The following LRRC4C variants were observed in gnomAD, a reference collection of about 807,000 sequenced individuals.
LRRC4C encodes leucine rich repeat containing 4C.
In LRRC4C, 5 loss-of-function variants were observed where a neutral mutation model predicts 33.6. The ratio of observed to expected loss-of-function variants is 0.15; its 90% CI spans 0.08 to 0.31. The LOEUF is 0.31. Ranked by LOEUF, LRRC4C falls within the 10% of genes least tolerant of loss-of-function variation. The probability of loss-of-function intolerance (pLI) is 1.00; values close to 1 mark genes in which losing one functional copy is unlikely to be tolerated. For missense variants in LRRC4C, 560 were observed against 796.7 expected, an observed-to-expected ratio of 0.70 and a Z score of 3.58; for synonymous variants, 329 against 302.0, an observed-to-expected ratio of 1.09 and a Z score of -0.93.
intron 1 of LRRC4C, among the ~76,000 whole-genome samples, chr11:41,426,094 C>T (rs751943530): frequency 9.9e-5 from 15 of 152,138 alleles, no homozygotes; most frequent in Non-Finnish European, 1.6e-4. Context: ...GTGTACAGAA[C>T]AAGGGACAAG....
intron 1 of LRRC4C, among the ~76,000 whole-genome samples, chr11:41,169,016 A>G (rs1944853463): frequency 6.6e-6 from 1 of 152,202 alleles, no homozygotes; most frequent in African/African-American, 2.4e-5. Context: ...TTTGCAAACA[A>G]GAAGATGAAC....
intron 3 of LRRC4C, among the ~76,000 whole-genome samples, chr11:40,468,350 A>C (rs1325825038): frequency 2.0e-5 from 3 of 152,192 alleles, no homozygotes; most frequent in African/African-American, 7.2e-5. Flanking sequence ...CTGGAGACAG[A>C]ATTTCTTCCT....
intron 1 of LRRC4C, among the ~76,000 whole-genome samples, chr11:41,208,146 C>T (rs1946674865): frequency 6.6e-6 from 1 of 152,082 alleles, no homozygotes; most frequent in East Asian, 1.9e-4. Context: ...AGACACAAAT[C>T]AGGAACATGC....
At chr11:40,804,747 T>A (rs2135321577) in intron 2 of LRRC4C, among the ~76,000 whole-genome samples, 1 of 152,310 alleles carries the variant, frequency 6.6e-6, no homozygotes, top group South Asian at 2.1e-4. Flanking sequence ...CTGGGGATAT[T>A]CCAGATGACT....
chr11:41,005,816 C>G (rs916795043), intron 1 of LRRC4C, among the ~76,000 whole-genome samples: 1 of 152,074 alleles, frequency 6.6e-6, no homozygotes, highest in African/African-American at 2.4e-5. Flanking sequence ...AATAAATTGC[C>G]CAGTCTCAAG....
chr11:40,995,673 C>T (rs924877709), intron 1 of LRRC4C, among the ~76,000 whole-genome samples: 5 of 152,040 alleles, frequency 3.3e-5, no homozygotes, highest in Admixed American at 2.6e-4. Flanking sequence ...TAGGGAGTAT[C>T]ATATGTTGCT....
At chr11:40,821,971 G>A (rs1238359930) in intron 2 of LRRC4C, among the ~76,000 whole-genome samples, 1 of 151,716 alleles carries the variant, frequency 6.6e-6, no homozygotes. Context: ...GGGTTATAAG[G>A]ATATCTATCC....
chr11:41,174,779 G>GT (rs112502164), intron 1 of LRRC4C, among the ~76,000 whole-genome samples: 12 of 151,136 alleles, frequency 7.9e-5, no homozygotes, highest in East Asian at 7.8e-4. Flanking sequence ...GCCCTAATTT[G>GT]TTTTTTTTAA....
intron 2 of LRRC4C, among the ~76,000 whole-genome samples, chr11:40,728,406 C>G (rs749595195): frequency 4.0e-5 from 6 of 151,262 alleles, no homozygotes; most frequent in Admixed American, 1.3e-4. Flanking sequence ...GAGATCGAGA[C>G]CATCCTGGCT....
intron 1 of LRRC4C, among the ~76,000 whole-genome samples, chr11:41,104,967 G>A (rs933934776): frequency 2.6e-5 from 4 of 151,892 alleles, no homozygotes; most frequent in African/African-American, 9.6e-5. Context: ...ATGGGTAAAA[G>A]GTTCCTATTT....
intron 1 of LRRC4C, among the ~76,000 whole-genome samples, chr11:41,325,674 A>C (rs1273077642): frequency 6.6e-6 from 1 of 150,382 alleles, no homozygotes; most frequent in Non-Finnish European, 1.5e-5. Flanking sequence ...TTCACTGCAA[A>C]AACAACAACA....
At chr11:40,289,824 T>C (rs1944072405) in intron 4 of LRRC4C, among the ~76,000 whole-genome samples, 1 of 152,140 alleles carries the variant, frequency 6.6e-6, no homozygotes, top group African/African-American at 2.4e-5. Context: ...AACTCCAGAT[T>C]TGCAAATGTT....
At position 40,388,373 on chromosome 11, in the gene LRRC4C, C is replaced by G. The variant is rs1041700701; in HGVS notation, c.-269-68652G>C. On this transcript the variant is annotated intron_variant, in intron 3 of 6. Transcript: ENST00000528697. ...CATAAGTACACCATAAAAGTGTCAT[C>G]TGGTGATGGGGCCAGCCACAAAAAC... 8.5e-5 allele frequency among the ~76,000 whole-genome samples: 13 copies of G among 152,118 alleles called. 1 individual carries two copies. Among genetic ancestry groups the G allele is most frequent in the Non-Finnish European group, 1.6e-4 (11 of 68,030 alleles).
chr11:41,005,732 C>T (rs987012615), intron 1 of LRRC4C, among the ~76,000 whole-genome samples: 1 of 152,126 alleles, frequency 6.6e-6, no homozygotes, highest in Non-Finnish European at 1.5e-5. Context: ...TTCCTGAGGC[C>T]CTCACTAGAA....
intron 3 of LRRC4C, among the ~76,000 whole-genome samples, chr11:40,566,984 A>T (rs1209252087): frequency 6.6e-6 from 1 of 152,094 alleles, no homozygotes; most frequent in South Asian, 2.1e-4. Flanking sequence ...CTTAGTACTT[A>T]TTATAGTTCT....
chr11:40,276,678 T>TGC (rs1943125342), intron 4 of LRRC4C, among the ~76,000 whole-genome samples: 1 of 65,326 alleles, frequency 1.5e-5, no homozygotes, highest in Non-Finnish European at 3.3e-5. Flanking sequence ...GAAACAAGTG[T>TGC]GTGTGTGTGT....
intron 2 of LRRC4C, among the ~76,000 whole-genome samples, chr11:40,690,517 T>C (rs1786463061): frequency 6.6e-6 from 1 of 152,052 alleles, no homozygotes. Context: ...AAACAGAAAG[T>C]CTCAGGCTCT....
intron 1 of LRRC4C, among the ~76,000 whole-genome samples, chr11:41,193,389 C>T (rs191524673): frequency 1.7e-4 from 26 of 152,070 alleles, no homozygotes; most frequent in Admixed American, 3.9e-4. Context: ...TTCTATGGGA[C>T]GAATTGTCAA....
intron 1 of LRRC4C, among the ~76,000 whole-genome samples, chr11:41,160,503 T>C (rs553538942): frequency 1.3e-5 from 2 of 152,290 alleles, no homozygotes; most frequent in East Asian, 3.9e-4. Context: ...TTGAAAATTT[T>C]GTCCTGAACA....
Sources: allele counts gnomAD v4.1 joint callset (sites outside exome capture counted in the v4.1 genomes callset), GRCh38; gene constraint gnomAD v4.1.1; transcripts MANE v1.5; gene names NCBI Gene and HGNC (gene_info 2026-07-23, HGNC 2026-07-21).